The following ERV3-1 variants were observed in gnomAD, a reference collection of about 807,000 sequenced individuals.
The protein encoded by ERV3-1 is endogenous retrovirus group 3 member 1 Env polyprotein.
ERV3-1 carries 36 observed loss-of-function variants against 24.6 expected under a neutral mutation model. That is an observed-to-expected ratio of 1.47 (90% CI 1.12 to 1.94). The LOEUF is 1.94. Among genes scored for constraint, ERV3-1 ranks in the 30% most tolerant of loss-of-function variants. The pLI is 0.00. For synonymous variants in ERV3-1, 211 were observed against 122.6 expected (o/e 1.72, Z -4.76); for missense variants, 578 against 330.9 (o/e 1.75, Z -5.79).
chr7:64,994,754 C>T (rs1246774748), intron 1 of ERV3-1, among the ~76,000 whole-genome samples: 2 of 152,344 alleles, frequency 1.3e-5, no homozygotes, highest in East Asian at 1.9e-4. Flanking sequence ...ATTTGGAATC[C>T]GTGTAAACAC....
chr7:65,002,431 C>T (rs748766738), intron 1 of ERV3-1, among the ~76,000 whole-genome samples: 1 of 152,202 alleles, frequency 6.6e-6, no homozygotes, highest in Admixed American at 6.5e-5. Flanking sequence ...TCAAGCAATT[C>T]TCCTGCCTCA....
At position 65,006,558 on chromosome 7, in the gene ERV3-1, T is replaced by G; in HGVS notation, c.-406A>C. 1.9e-6 allele frequency: 3 copies of G among 1,576,556 alleles called. No homozygotes were observed. Among genetic ancestry groups the G allele is most frequent in the South Asian group, 1.1e-5 (1 of 90,396 alleles). On this transcript the variant is annotated 5_prime_UTR_variant, in exon 1 of 2. Coordinates refer to ENST00000394323, the MANE Select transcript of ERV3-1 (RefSeq NM_001007253.4). Reference sequence around the variant, plus strand: ...ACTCTCACCATTTCTAGGCTTCCAGTGGGTCCTGGCGTCTTAGCTGTGGAT... The same window carrying G: ...ACTCTCACCATTTCTAGGCTTCCAGGGGGTCCTGGCGTCTTAGCTGTGGAT...
rs1786625720 is a variant in ERV3-1, at chr7:65,005,502, T to C, written c.-389+1039A>G. On this transcript the variant is annotated intron_variant, in intron 1 of 1. Transcript: ENST00000394323. Reference sequence around the variant, plus strand: ...AAATCTTTTTTAAAATGCCAGCCAATGCTTTGTCAAAAAATGATTAATTAA... The same window carrying C: ...AAATCTTTTTTAAAATGCCAGCCAACGCTTTGTCAAAAAATGATTAATTAA... Among the ~76,000 whole-genome samples, 3 of 152,152 alleles carry C rather than the reference T, an allele frequency of 2.0e-5. No individual in the cohort carries two copies. In the South Asian group the frequency reaches 6.2e-4, roughly 32 times the overall value.
chr7:64,991,511 G>A lies in ERV3-1; in HGVS notation c.1516C>T (p.Arg506Cys), dbSNP rs755457010. The A allele has an allele frequency of 2.6e-4, 183 of 704,096 alleles. No individual in the cohort carries two copies. The highest frequency in any genetic ancestry group is 1.1e-3 in the Middle Eastern group (5 of 4,370). The allele number at this position is 704,096 out of a possible 1,614,324, so 43.6% of individuals were successfully genotyped here. Reference sequence around the variant, plus strand: ...CGGTTAAGCATGTAAACTGGGGTGCGGTATCCCCACATTCCATCTTCTGCC... The same window carrying A: ...CGGTTAAGCATGTAAACTGGGGTGCAGTATCCCCACATTCCATCTTCTGCC... ...TWAEDGMWGY[R>C]TPVYMLNRII... The change falls in exon 2 of 2, where the codon CGC (arginine) becomes TGC (cysteine). Residue 506 changes from arginine to cysteine, a missense_variant. Transcript: ENST00000394323.
intron 1 of ERV3-1, among the ~76,000 whole-genome samples, chr7:64,994,299 C>T (rs1394391956): frequency 1.3e-5 from 2 of 152,158 alleles, no homozygotes; most frequent in Admixed American, 6.5e-5. Context: ...GTTTTTCCCA[C>T]GAGTTCCATG....
At position 64,992,717 on chromosome 7, in the gene ERV3-1, G is replaced by A. The variant is rs1487433848; in HGVS notation, c.310C>T (p.Leu104=). 1.3e-6 allele frequency: 1 copy of A among 766,288 alleles called. No individual in the cohort carries two copies. Among genetic ancestry groups the A allele is most frequent in the Admixed American group, 1.7e-5 (1 of 59,008 alleles). The allele number at this position is 766,288 out of a possible 1,614,324, so 47.5% of individuals were successfully genotyped here. A position where few individuals can be genotyped will look rare whatever the true frequency, so the allele number is the denominator to read the frequency against. The change falls in exon 2 of 2, where the codon CTA becomes TTA. Residue 104 remains leucine, a synonymous_variant. Coordinates refer to ENST00000394323, the MANE Select transcript of ERV3-1 (RefSeq NM_001007253.4). The stretch of plus-strand genomic sequence containing the variant: ...GAGGGAAATACCTTGGTTTGGTTTA[G>A]AAGATCCCCTTCCTTTGACCCGACA... ...IHVGSKEGDL[L]NQTKVFPSGK...
chr7:64,991,783 G>C lies in ERV3-1; in HGVS notation c.1244C>G (p.Ser415Cys). 1 of 766,186 alleles carries C rather than the reference G, an allele frequency of 1.3e-6. No individual in the cohort carries two copies. Among genetic ancestry groups the C allele is most frequent in the Non-Finnish European group, 2.4e-6 (1 of 417,886 alleles). The allele number at this position is 766,186 out of a possible 1,614,324, so 47.5% of individuals were successfully genotyped here. A position where few individuals can be genotyped will look rare whatever the true frequency, so the allele number is the denominator to read the frequency against. ...TGGCCCACAGATCCAGTAGAGGCCA[G>C]AGGGTGCCTGCCAGGTATTTGGAGC... The part of the protein sequence containing the change: ...LEAPNTWQAP[S>C]GLYWICGPQA... Residue 415 changes from serine (S) to cysteine (C), a missense_variant, in exon 2 of 2, where the codon TCT becomes TGT. Ser to Cys is a moderately radical substitution (Grantham distance 112). Transcript: ENST00000394323.
At chr7:64,994,292 T>C (rs1322253426) in intron 1 of ERV3-1, among the ~76,000 whole-genome samples, 2 of 152,218 alleles carry the variant, frequency 1.3e-5, no homozygotes, top group Non-Finnish European at 2.9e-5. Context: ...TAGTGCTGTT[T>C]TTCCCACGAG....
Position 64,992,681 on chromosome 7 carries a change from C to A in ERV3-1, c.346G>T (p.Val116Phe), listed in dbSNP as rs962948728. Residue 116 changes from valine to phenylalanine, a missense_variant, in exon 2 of 2, where the codon GTC (valine) becomes TTC (phenylalanine). Val to Phe is a conservative substitution (Grantham distance 50). Coordinates refer to ENST00000394323, the MANE Select transcript of ERV3-1 (RefSeq NM_001007253.4). ...QTKVFPSGKD[V>F]VSLYFDVCQI... is the part of the protein sequence containing the mutation. ...CAAACATCAAAGTATAAGGATACGACATCCTTGCCAGAGGGAAATACCTTG... is the reference window on the plus strand; with the variant it reads ...CAAACATCAAAGTATAAGGATACGAAATCCTTGCCAGAGGGAAATACCTTG... The A allele has an allele frequency of 1.3e-6, 1 of 766,278 alleles. No individual in the cohort carries two copies. The highest frequency in any genetic ancestry group is 1.7e-5 in the African/African-American group (1 of 59,110). The allele number at this position is 766,278 out of a possible 1,614,324, so 47.5% of individuals were successfully genotyped here. A position where few individuals can be genotyped will look rare whatever the true frequency, so the allele number is the denominator to read the frequency against.
chr7:65,000,937 A>C (rs1786506959), intron 1 of ERV3-1, among the ~76,000 whole-genome samples: 1 of 152,232 alleles, frequency 6.6e-6, no homozygotes, highest in African/African-American at 2.4e-5. Context: ...ACTAATGCAG[A>C]AACAGAAGAC....
intron 1 of ERV3-1, among the ~76,000 whole-genome samples, chr7:65,000,408 G>C (rs1365415758): frequency 5.8e-4 from 2 of 3,446 alleles, no homozygotes; most frequent in African/African-American, 6.3e-4. Context: ...ATTTTTAGTA[G>C]AGACGGGGGT....
rs767062209 is a variant in ERV3-1, at chr7:64,992,887, T to C, written c.140A>G (p.Tyr47Cys). 5 of 766,284 alleles carry C rather than the reference T, an allele frequency of 6.5e-6. No individual in the cohort carries two copies. In the African/African-American group the frequency reaches 8.5e-5, roughly 13 times the overall value. 47.5% of individuals were successfully genotyped at this position (766,284 alleles called of 1,614,324 possible). ...SGNIMTKTLLYHTYYECAGTC... is the reference protein window; with the variant it reads ...SGNIMTKTLLCHTYYECAGTC... ...CCCAGCACACTCATAATAAGTGTGA[T>C]ACAACAGGGTTTTAGTCATGATGTT... is the stretch of plus-strand genomic sequence containing the variant. The change falls in exon 2 of 2, where the codon TAT (tyrosine) becomes TGT (cysteine). Residue 47 changes from tyrosine to cysteine, a missense_variant. By Grantham distance (194) the Tyr-to-Cys change is radical. Coordinates refer to ENST00000394323, the MANE Select transcript of ERV3-1 (RefSeq NM_001007253.4).
intron 1 of ERV3-1, chr7:65,005,337 C>G (rs755640296): frequency 6.6e-5 from 10 of 152,086 alleles, no homozygotes; most frequent in Admixed American, 1.3e-4. Flanking sequence ...AAAGGGAAAC[C>G]CTGACCCAAA....
chr7:64,991,154 C>T lies in ERV3-1; in HGVS notation c.*58G>A. 2 of 644,528 alleles carry T rather than the reference C, an allele frequency of 3.1e-6. No individual in the cohort carries two copies. Among genetic ancestry groups the T allele is most frequent in the Admixed American group, 2.5e-5 (1 of 39,806 alleles). The allele number at this position is 644,528 out of a possible 1,614,324, so 39.9% of individuals were successfully genotyped here. ...CCCAATATGGCTAGGACTATTTGTACTAAGGTTTTAAATCCTCCAAGGGAT... is the reference window on the plus strand; with the variant it reads ...CCCAATATGGCTAGGACTATTTGTATTAAGGTTTTAAATCCTCCAAGGGAT... On this transcript the variant is annotated 3_prime_UTR_variant, in exon 2 of 2. Transcript: ENST00000394323.
At chr7:65,003,828 T>C (rs1019208200) in intron 1 of ERV3-1, 4 of 152,136 alleles carry the variant, frequency 2.6e-5, no homozygotes, top group African/African-American at 9.7e-5. Flanking sequence ...ACATCACATA[T>C]CAAGATGATA....
At chr7:64,999,116 C>A (rs953781047) in intron 1 of ERV3-1, among the ~76,000 whole-genome samples, 7 of 152,208 alleles carry the variant, frequency 4.6e-5, no homozygotes, top group Non-Finnish European at 7.3e-5. Context: ...GGGCCCAAAC[C>A]TTACTGCAGT....
In ERV3-1 at chr7:64,992,629, A is replaced by G. The variant is rs369274186; in HGVS notation, c.398T>C (p.Phe133Ser). The change falls in exon 2 of 2, where the codon TTT (phenylalanine) becomes TCT (serine). Residue 133 changes from phenylalanine (F) to serine (S), a missense_variant. Phe to Ser is a radical substitution (Grantham distance 155). Transcript: ENST00000394323. ...VCQIVSMGSLFPVIFSSMEYY... is the reference protein window; with the variant it reads ...VCQIVSMGSLSPVIFSSMEYY... ...CTCCATGGAACTGAAGATTACGGGA[A>G]AGAGTGAGCCCATGGATACTATCTG... is the stretch of plus-strand genomic sequence containing the variant. 4 of 766,402 alleles carry G rather than the reference A, an allele frequency of 5.2e-6. No individual in the cohort carries two copies. The Admixed American group carries it at 6.8e-5, about 13-fold the overall frequency. 47.5% of individuals were successfully genotyped at this position (766,402 alleles called of 1,614,324 possible). A position where few individuals can be genotyped will look rare whatever the true frequency, so the allele number is the denominator to read the frequency against.
intron 1 of ERV3-1, among the ~76,000 whole-genome samples, chr7:64,997,663 G>C (rs184732169): frequency 3.9e-5 from 6 of 152,110 alleles, no homozygotes; most frequent in Non-Finnish European, 7.3e-5. Flanking sequence ...GTGCCTTCTG[G>C]TGCATTGTGT....
chr7:64,998,001 C>A (rs1242341684), intron 1 of ERV3-1, among the ~76,000 whole-genome samples: 6 of 152,186 alleles, frequency 3.9e-5, no homozygotes, highest in Non-Finnish European at 8.8e-5. Flanking sequence ...CGAAGGCGGC[C>A]TGCTTGATCA....
Sources: gnomAD v4.1 joint callset for allele counts (sites outside exome capture counted in the v4.1 genomes callset) on GRCh38, gnomAD v4.1.1 for gene constraint, MANE v1.5 for transcripts, NCBI Gene and HGNC (gene_info 2026-07-23, HGNC 2026-07-21) for gene names.